ADIPOR2: variants seen among roughly 807,000 people sequenced by gnomAD.
ADIPOR2 encodes the protein adiponectin receptor 2.
In ADIPOR2, 18 loss-of-function variants were observed where a neutral mutation model predicts 40.9. The ratio of observed to expected loss-of-function variants is 0.44; its 90% CI spans 0.30 to 0.65. The LOEUF is 0.65. Ranked by LOEUF, ADIPOR2 falls within the 30% of genes least tolerant of loss-of-function variation. The pLI, the probability that ADIPOR2 is intolerant of heterozygous loss-of-function variation, is 0.09. For synonymous variants in ADIPOR2, 165 were observed against 166.4 expected (o/e 0.99, Z 0.06); for missense variants, 283 against 479.2 (o/e 0.59, Z 3.82).
In ADIPOR2 at chr12:1,758,392, GT is replaced by G. The variant is rs1238348581; in HGVS notation, c.171+3880del. Among the ~76,000 whole-genome samples the G allele has an allele frequency of 2.6e-5, 4 of 152,158 alleles. No individual in the cohort carries two copies. In the East Asian group the frequency reaches 7.7e-4, roughly 29 times the overall value. ...AGCCAAGGAAAGAAAGGATCCATAG[GT>G]TGTGGAATGTTAGAGCTGAAAAGGC... On this transcript the variant is annotated intron_variant, in intron 2 of 7. Coordinates refer to ENST00000357103, the MANE Select transcript of ADIPOR2 (RefSeq NM_024551.3).
chr12:1,693,321 TA>T (rs1325647824), intron 1 of ADIPOR2, among the ~76,000 whole-genome samples: 1 of 151,680 alleles, frequency 6.6e-6, no homozygotes, highest in Non-Finnish European at 1.5e-5. Context: ...GACCTTAATA[TA>T]AAAAGTTTGC....
chr12:1,699,439 G>A (rs2094645759), intron 1 of ADIPOR2, among the ~76,000 whole-genome samples: 1 of 152,130 alleles, frequency 6.6e-6, no homozygotes, highest in East Asian at 1.9e-4. Flanking sequence ...CCAACATGGC[G>A]AAACCCCCGT....
intron 1 of ADIPOR2, among the ~76,000 whole-genome samples, chr12:1,753,020 A>G (rs1305127856): frequency 6.6e-6 from 1 of 152,174 alleles, no homozygotes; most frequent in Non-Finnish European, 1.5e-5. Context: ...CCTACAGCAA[A>G]TTCACATGAT....
chr12:1,757,777 A>G, intron 2 of ADIPOR2: 2 of 1,029,608 alleles, frequency 1.9e-6, no homozygotes, highest in East Asian at 4.8e-5. Context: ...AGGGTAGGTT[A>G]TATGAGTTCG....
At chr12:1,703,295 G>A (rs1038651186) in intron 1 of ADIPOR2, among the ~76,000 whole-genome samples, 6 of 152,098 alleles carry the variant, frequency 3.9e-5, no homozygotes, top group African/African-American at 1.4e-4. Context: ...CAAAATTTTT[G>A]CAGGCACATA....
chr12:1,740,744 A>T (rs977083683), intron 1 of ADIPOR2, among the ~76,000 whole-genome samples: 2 of 152,242 alleles, frequency 1.3e-5, no homozygotes, highest in African/African-American at 4.8e-5. Context: ...TATGTGACAG[A>T]TCCTGTTTTA....
chr12:1,765,133 A>G (rs1321043279), intron 2 of ADIPOR2, among the ~76,000 whole-genome samples: 1 of 152,134 alleles, frequency 6.6e-6, no homozygotes, highest in Non-Finnish European at 1.5e-5. Context: ...TCACTACATG[A>G]TACTCACATT....
intron 1 of ADIPOR2, among the ~76,000 whole-genome samples, chr12:1,701,602 C>G (rs1327466377): frequency 6.6e-6 from 1 of 151,906 alleles, no homozygotes; most frequent in African/African-American, 2.4e-5. Flanking sequence ...CCATTTTGAC[C>G]TACAAAAATG....
intron 1 of ADIPOR2, among the ~76,000 whole-genome samples, chr12:1,728,643 G>A (rs2094713003): frequency 6.6e-6 from 1 of 151,928 alleles, no homozygotes; most frequent in African/African-American, 2.4e-5. Flanking sequence ...AGAATTGCTT[G>A]AACCTGGGAG....
At chr12:1,691,433 C>CT (rs1828095226) in intron 1 of ADIPOR2, among the ~76,000 whole-genome samples, 1 of 152,222 alleles carries the variant, frequency 6.6e-6, no homozygotes, top group South Asian at 2.1e-4. Flanking sequence ...CTTGCGACCG[C>CT]TGTCGGAGGA....
intron 1 of ADIPOR2, among the ~76,000 whole-genome samples, chr12:1,703,814 A>T (rs1012237664): frequency 2.0e-5 from 3 of 152,108 alleles, no homozygotes; most frequent in Admixed American, 6.6e-5. Flanking sequence ...ACAGGGCTCA[A>T]GTAATCCCAC....
rs76097602 is a variant in ADIPOR2 at position 1,779,280 on chromosome 12, G to A, written c.464-1171G>A. On this transcript the variant is annotated intron_variant, in intron 4 of 7. Coordinates refer to ENST00000357103, the MANE Select transcript of ADIPOR2 (RefSeq NM_024551.3). ...AGTAGAAGCAACCCAGATGTCTATC[G>A]ACTGGTAATGGAGAAACAAAATATG... is the stretch of plus-strand genomic sequence containing the variant. Among the ~76,000 whole-genome samples, 372 of 152,274 alleles carry A rather than the reference G, an allele frequency of 2.4e-3. 1 individual carries two copies. Among genetic ancestry groups the A allele is most frequent in the African/African-American group, 8.6e-3 (359 of 41,538 alleles).
At chr12:1,735,602 A>G (rs1592598415) in intron 1 of ADIPOR2, among the ~76,000 whole-genome samples, 1 of 152,132 alleles carries the variant, frequency 6.6e-6, no homozygotes, top group Non-Finnish European at 1.5e-5. Flanking sequence ...TCTCCTGCCT[A>G]ATTGCCCTGG....
intron 2 of ADIPOR2, among the ~76,000 whole-genome samples, chr12:1,755,485 A>G (rs1023361746): frequency 6.6e-6 from 1 of 152,210 alleles, no homozygotes; most frequent in African/African-American, 2.4e-5. Context: ...CTATGACGTT[A>G]TCTGTTATTT....
At chr12:1,734,979 G>C (rs1230405149) in intron 1 of ADIPOR2, among the ~76,000 whole-genome samples, 2 of 152,200 alleles carry the variant, frequency 1.3e-5, no homozygotes, top group African/African-American at 4.8e-5. Context: ...CCAGTACCAT[G>C]CTGTTTTGGT....
chr12:1,776,383 G>A (rs980601733), intron 3 of ADIPOR2, among the ~76,000 whole-genome samples: 5 of 152,192 alleles, frequency 3.3e-5, no homozygotes, highest in African/African-American at 1.2e-4. Context: ...GGGTAGGGTG[G>A]AGGTCATTGT....
intron 1 of ADIPOR2, among the ~76,000 whole-genome samples, chr12:1,693,516 TCTG>T (rs1347771275): frequency 7.0e-6 from 1 of 143,386 alleles, no homozygotes; most frequent in Non-Finnish European, 1.5e-5. Flanking sequence ...TGGTTTGTAA[TCTG>T]CTTTTTTTTT....
intron 1 of ADIPOR2, among the ~76,000 whole-genome samples, chr12:1,748,449 C>A (rs1032282981): frequency 1.3e-5 from 2 of 151,926 alleles, no homozygotes; most frequent in Admixed American, 1.3e-4. Context: ...GGGGTTTCAC[C>A]GTGTTAGCCA....
chr12:1,716,969 G>T (rs2094688839), intron 1 of ADIPOR2, among the ~76,000 whole-genome samples: 1 of 152,176 alleles, frequency 6.6e-6, no homozygotes, highest in Non-Finnish European at 1.5e-5. Context: ...AATACAGCAA[G>T]AAAAACTTAA....
Sources: gnomAD v4.1 joint callset for allele counts (sites outside exome capture counted in the v4.1 genomes callset) on GRCh38, gnomAD v4.1.1 for gene constraint, MANE v1.5 for transcripts, NCBI Gene and HGNC (gene_info 2026-07-23, HGNC 2026-07-21) for gene names.